Variants in RABGAP1L observed in about 807,000 individuals in gnomAD.
The protein encoded by RABGAP1L is rab GTPase-activating protein 1-like.
In RABGAP1L, 63 loss-of-function variants were observed where a neutral mutation model predicts 137.7. That is an observed-to-expected ratio of 0.46 (90% CI 0.37 to 0.56). The LOEUF (loss-of-function observed/expected upper bound fraction) is 0.56. Among genes scored for constraint, RABGAP1L ranks in the 20% least tolerant of loss-of-function variants. The pLI, the probability that RABGAP1L is intolerant of heterozygous loss-of-function variation, is 0.00. For missense variants in RABGAP1L, 1,095 were observed against 1,244.0 expected, an observed-to-expected ratio of 0.88 and a Z score of 1.80; for synonymous variants, 431 against 433.7, an observed-to-expected ratio of 0.99 and a Z score of 0.08.
intron 17 of RABGAP1L, among the ~76,000 whole-genome samples, chr1:174,713,184 A>G (rs1680719149): frequency 6.6e-6 from 1 of 152,216 alleles, no homozygotes; most frequent in African/African-American, 2.4e-5. Flanking sequence ...TGAGATTAGA[A>G]GCTTTATATA....
chr1:174,819,187 T>TAAAAAAAAAAAAAAAAAAAAAA (rs71299431), intron 19 of RABGAP1L, among the ~76,000 whole-genome samples: 1 of 44,840 alleles, frequency 2.2e-5, no homozygotes, highest in Non-Finnish European at 4.1e-5. Context: ...TGCCTGTCTC[T>TAAAAAAAAAAAAAAAAAAAAAA]AAAAAAAAAA....
intron 13 of RABGAP1L, among the ~76,000 whole-genome samples, chr1:174,488,961 T>C (rs2149348123): frequency 8.4e-6 from 1 of 118,400 alleles, no homozygotes; most frequent in South Asian, 2.9e-4. Flanking sequence ...TTCCCCACCC[T>C]GTGTTGCCAA....
intron 13 of RABGAP1L, among the ~76,000 whole-genome samples, chr1:174,623,067 A>T (rs1378024940): frequency 6.6e-6 from 1 of 152,196 alleles, no homozygotes; most frequent in East Asian, 1.9e-4. Context: ...AACCTCAGTG[A>T]ACAAGTGGTA....
chr1:174,477,079 C>A (rs1360967388), intron 13 of RABGAP1L, among the ~76,000 whole-genome samples: 1 of 152,086 alleles, frequency 6.6e-6, no homozygotes, highest in Non-Finnish European at 1.5e-5. Flanking sequence ...GTCCCAGGAG[C>A]AGAACTGGGT....
chr1:174,488,639 A>T (rs1193533448), intron 13 of RABGAP1L, among the ~76,000 whole-genome samples: 3 of 151,168 alleles, frequency 2.0e-5, no homozygotes, highest in Admixed American at 2.0e-4. Context: ...CATTCTCTAC[A>T]TTTTTTTAAG....
At chr1:174,869,786 G>C (rs771717017) in intron 19 of RABGAP1L, among the ~76,000 whole-genome samples, 1 of 151,852 alleles carries the variant, frequency 6.6e-6, no homozygotes, top group Non-Finnish European at 1.5e-5. Context: ...TGAGATTAGT[G>C]CCCTTATAAA....
At chr1:174,377,831 T>A (rs2149026138) in intron 12 of RABGAP1L, among the ~76,000 whole-genome samples, 1 of 148,728 alleles carries the variant, frequency 6.7e-6, no homozygotes, top group Non-Finnish European at 1.5e-5. Flanking sequence ...CATGTGCACA[T>A]TGTGCAGGTT....
At chr1:174,800,618 G>A in intron 18 of RABGAP1L, 2 of 1,424,792 alleles carry the variant, frequency 1.4e-6, no homozygotes, top group Non-Finnish European at 1.9e-6. Flanking sequence ...TCCCCATTCT[G>A]CCGAGAAGGA....
At chr1:174,160,276 A>C (rs76904465) in intron 1 of RABGAP1L, among the ~76,000 whole-genome samples, 1 of 135,016 alleles carries the variant, frequency 7.4e-6, no homozygotes. Context: ...ACCTCCCCCC[A>C]ACCCCCACCC....
At chr1:174,623,208 G>C (rs1472490325) in intron 13 of RABGAP1L, among the ~76,000 whole-genome samples, 2 of 152,184 alleles carry the variant, frequency 1.3e-5, no homozygotes, top group African/African-American at 2.4e-5. Flanking sequence ...GTTAATGTCA[G>C]AGGAAAAGTT....
intron 13 of RABGAP1L, among the ~76,000 whole-genome samples, chr1:174,621,430 A>G (rs1208440626): frequency 3.9e-5 from 6 of 152,250 alleles, no homozygotes; most frequent in Non-Finnish European, 7.3e-5. Flanking sequence ...AGCTGGAGGC[A>G]TCAAGCTACC....
At chr1:174,624,196 A>G (rs1318128282) in intron 13 of RABGAP1L, among the ~76,000 whole-genome samples, 3 of 152,150 alleles carry the variant, frequency 2.0e-5, no homozygotes, top group Non-Finnish European at 4.4e-5. Flanking sequence ...ACTCGCTGTT[A>G]ATATATTCAC....
chr1:174,988,746 G>A lies in RABGAP1L; in HGVS notation c.2911G>A (p.Glu971Lys), dbSNP rs1239737167. ...REDQGIETDD[E>K]KDSLKKQLRE... ...GGACCAGGGAATTGAAACAGATGAT[G>A]AGAAGGACTCACTTAAGAAGCAGCT... Residue 971 changes from glutamate (E) to lysine (K), a missense_variant, in exon 25 of 26, where the codon GAG (glutamate) becomes AAG (lysine). By Grantham distance (56) the Glu-to-Lys change is moderately conservative. This residue lies in a region of RABGAP1L where 312 missense variants were observed against 435.6 expected (regional missense o/e 0.72). Coordinates refer to ENST00000681986, the MANE Select transcript of RABGAP1L (RefSeq NM_001366446.1). The A allele has an allele frequency of 6.5e-7, 1 of 1,550,078 alleles. No homozygotes were observed. The highest frequency in any genetic ancestry group is 8.7e-7 in the Non-Finnish European group (1 of 1,146,796).
chr1:174,707,363 T>C (rs1196863899), intron 17 of RABGAP1L, among the ~76,000 whole-genome samples: 1 of 152,176 alleles, frequency 6.6e-6, no homozygotes, highest in Non-Finnish European at 1.5e-5. Flanking sequence ...TACAGGCAGA[T>C]TGAAAGCTAA....
chr1:174,502,098 G>A (rs1661330769), intron 13 of RABGAP1L, among the ~76,000 whole-genome samples: 1 of 151,670 alleles, frequency 6.6e-6, no homozygotes, highest in African/African-American at 2.4e-5. Flanking sequence ...ATTATAATAT[G>A]CATCAGAATT....
At chr1:174,636,694 T>C (rs1170669821) in intron 13 of RABGAP1L, among the ~76,000 whole-genome samples, 1 of 152,116 alleles carries the variant, frequency 6.6e-6, no homozygotes, top group Non-Finnish European at 1.5e-5. Flanking sequence ...AATTAGATAA[T>C]TTGTGGTATT....
chr1:174,852,677 G>T (rs950074426), intron 19 of RABGAP1L, among the ~76,000 whole-genome samples: 5 of 152,058 alleles, frequency 3.3e-5, no homozygotes, highest in African/African-American at 4.8e-5. Context: ...TTAGCTGGGC[G>T]TGTTGGCATG....
At chr1:174,687,988 T>C (rs1268040747) in intron 15 of RABGAP1L, among the ~76,000 whole-genome samples, 1 of 152,208 alleles carries the variant, frequency 6.6e-6, no homozygotes, top group Non-Finnish European at 1.5e-5. Flanking sequence ...CATGTAGTAG[T>C]TTAGACAATG....
At chr1:174,401,824 A>G (rs1558203077) in intron 13 of RABGAP1L, among the ~76,000 whole-genome samples, 1 of 152,100 alleles carries the variant, frequency 6.6e-6, no homozygotes, top group Non-Finnish European at 1.5e-5. Context: ...CAAAGTGACA[A>G]GTGAGGACAA....
Sources: allele counts gnomAD v4.1 joint callset (sites outside exome capture counted in the v4.1 genomes callset), GRCh38; gene constraint gnomAD v4.1.1; regional missense constraint gnomAD v4.1.1; transcripts MANE v1.5; gene names NCBI Gene and HGNC (gene_info 2026-07-23, HGNC 2026-07-21).